The following SLC25A48 variants were observed in gnomAD, a reference collection of about 807,000 sequenced individuals.
SLC25A48 encodes the protein CTC-321K16.1.
A neutral mutation model predicts 32.2 loss-of-function variants in SLC25A48; 29 were observed. The ratio of observed to expected loss-of-function variants is 0.90; its 90% CI spans 0.67 to 1.23. The LOEUF (loss-of-function observed/expected upper bound fraction) is 1.23, where lower values mean the gene tolerates loss of function less well. Ranked by LOEUF, SLC25A48 falls within the 50% of genes most tolerant of loss-of-function variation. SLC25A48 has a pLI of 0.00. For synonymous variants in SLC25A48, 164 were observed against 172.3 expected (o/e 0.95, Z 0.38); for missense variants, 399 against 422.7 (o/e 0.94, Z 0.49).
intron 3 of SLC25A48, among the ~76,000 whole-genome samples, chr5:135,697,730 G>A (rs757456901): frequency 5.9e-5 from 9 of 152,180 alleles, no homozygotes; most frequent in African/African-American, 9.7e-5. Context: ...GACACAGGAC[G>A]TGCCAGCAGC....
At chr5:135,716,826 G>A (rs868552820) in intron 3 of SLC25A48, among the ~76,000 whole-genome samples, 7 of 152,142 alleles carry the variant, frequency 4.6e-5, no homozygotes, top group African/African-American at 1.4e-4. Flanking sequence ...CCCCAGCTCC[G>A]GCCAGCATAG....
chr5:135,823,704 G>A (rs1757949813), intron 4 of SLC25A48, among the ~76,000 whole-genome samples: 2 of 152,200 alleles, frequency 1.3e-5, no homozygotes, highest in Admixed American at 1.3e-4. Context: ...CTGAATGAGG[G>A]GTATGAGGGT....
chr5:135,767,289 G>C (rs7378538), intron 3 of SLC25A48, among the ~76,000 whole-genome samples: 2 of 151,332 alleles, frequency 1.3e-5, no homozygotes, highest in African/African-American at 2.4e-5. Context: ...TCCAGAAGGC[G>C]AGAGGATGAT....
chr5:135,747,729 G>A (rs1179974768), intron 3 of SLC25A48, among the ~76,000 whole-genome samples: 1 of 152,172 alleles, frequency 6.6e-6, no homozygotes, highest in East Asian at 1.9e-4. Flanking sequence ...AAACTGCAAT[G>A]TATCAGTTGC....
At chr5:135,641,365 C>T (rs927487673) in intron 3 of SLC25A48, among the ~76,000 whole-genome samples, 4 of 152,172 alleles carry the variant, frequency 2.6e-5, no homozygotes, top group Non-Finnish European at 4.4e-5. Flanking sequence ...GACTGAGAGT[C>T]CTTTGGTGCA....
intron 3 of SLC25A48, among the ~76,000 whole-genome samples, chr5:135,745,566 GAA>G (rs927728959): frequency 6.6e-6 from 1 of 151,028 alleles, no homozygotes; most frequent in Non-Finnish European, 1.5e-5. Context: ...GTGGTGGGAA[GAA>G]AAAAAAAGAT....
At chr5:135,855,362 A>AG (rs1760226520) in intron 4 of SLC25A48, among the ~76,000 whole-genome samples, 1 of 152,208 alleles carries the variant, frequency 6.6e-6, no homozygotes, top group Non-Finnish European at 1.5e-5. Context: ...CTGATGCAGT[A>AG]ACTGTCATTG....
At chr5:135,664,973 A>G (rs1458540053) in intron 3 of SLC25A48, among the ~76,000 whole-genome samples, 3 of 152,210 alleles carry the variant, frequency 2.0e-5, no homozygotes, top group Non-Finnish European at 4.4e-5. Flanking sequence ...TGGTAGATCT[A>G]CTTTAAATTC....
Position 135,852,745 on chromosome 5 carries a change from G to C in SLC25A48, c.345G>C (p.Val115=), listed in dbSNP as rs1279867056. 3 of 1,614,072 alleles carry C rather than the reference G, an allele frequency of 1.9e-6. No homozygotes were observed. The highest frequency in any genetic ancestry group is 2.5e-6 in the Non-Finnish European group (3 of 1,179,998). The part of the protein sequence containing the change: ...DLLLASMVAG[V]VSVGLGGPVD... The stretch of plus-strand genomic sequence containing the variant: ...TCCTGGCCAGCATGGTGGCCGGCGT[G>C]GTCTCTGTCGGGCTGGGAGGGCCCG... The change falls in exon 4 of 8, where the codon GTG becomes GTC. Residue 115 remains valine (V), a synonymous_variant. Coordinates refer to ENST00000681962, the MANE Select transcript of SLC25A48 (RefSeq NM_001349336.2).
chr5:135,803,847 G>T (rs1347537092), intron 3 of SLC25A48, among the ~76,000 whole-genome samples: 1 of 151,452 alleles, frequency 6.6e-6, no homozygotes, highest in African/African-American at 2.4e-5. Flanking sequence ...TGTATACCTT[G>T]TACACTCACT....
At chr5:135,812,173 G>GTA (rs1757603930) in intron 3 of SLC25A48, among the ~76,000 whole-genome samples, 1 of 151,880 alleles carries the variant, frequency 6.6e-6, no homozygotes, top group Non-Finnish European at 1.5e-5. Context: ...TATTTTTTAA[G>GTA]CTTCTATGGG....
rs1751802132 is a variant in SLC25A48, at chr5:135,601,803, C to A, written c.-849+22206C>A. Among the ~76,000 whole-genome samples the A allele has an allele frequency of 2.6e-5, 4 of 152,214 alleles. No homozygotes were observed. The South Asian group carries it at 8.3e-4, about 32-fold the overall frequency. ...TGTATTCTTGAATTCCTGGGGAGGT[C>A]ACGTGTGCAAGCTTTGATGTCCAAA... On this transcript the variant is annotated intron_variant, in intron 1 of 10. Transcript: ENST00000646290.
chr5:135,650,784 G>A (rs912547504), intron 3 of SLC25A48, among the ~76,000 whole-genome samples: 2 of 152,236 alleles, frequency 1.3e-5, no homozygotes, highest in East Asian at 1.9e-4. Flanking sequence ...TTGTGCGTGT[G>A]TATGTGTGTG....
At chr5:135,776,551 C>T (rs1295571463) in intron 3 of SLC25A48, among the ~76,000 whole-genome samples, 1 of 151,132 alleles carries the variant, frequency 6.6e-6, no homozygotes, top group Non-Finnish European at 1.5e-5. Context: ...TATGTACACC[C>T]CTTCTGTGAT....
intron 3 of SLC25A48, among the ~76,000 whole-genome samples, chr5:135,762,101 A>G (rs1173311622): frequency 6.6e-6 from 1 of 152,238 alleles, no homozygotes; most frequent in Non-Finnish European, 1.5e-5. Context: ...TTCTGTAGAA[A>G]TGTACTGTTC....
intron 3 of SLC25A48, among the ~76,000 whole-genome samples, chr5:135,761,494 A>C (rs1186923760): frequency 6.6e-6 from 1 of 152,082 alleles, no homozygotes; most frequent in Non-Finnish European, 1.5e-5. Context: ...AGAAAACTGA[A>C]CTATATTCTC....
chr5:135,846,114 G>A (rs952158581), intron 2 of SLC25A48, among the ~76,000 whole-genome samples: 7 of 152,170 alleles, frequency 4.6e-5, no homozygotes, highest in African/African-American at 1.7e-4. Flanking sequence ...TCTCGTAAGA[G>A]CACAAACCCT....
intron 3 of SLC25A48, among the ~76,000 whole-genome samples, chr5:135,754,397 T>C (rs1271802735): frequency 6.6e-6 from 1 of 152,086 alleles, no homozygotes; most frequent in African/African-American, 2.4e-5. Flanking sequence ...CCCTCTGGTA[T>C]TTATCATATT....
chr5:135,807,730 A>G (rs1757495932), intron 3 of SLC25A48, among the ~76,000 whole-genome samples: 2 of 149,850 alleles, frequency 1.3e-5, no homozygotes, highest in Non-Finnish European at 3.0e-5. Flanking sequence ...CTGTGTGTAA[A>G]CACTAGAGAT....
Sources: gnomAD v4.1 joint callset for allele counts (sites outside exome capture counted in the v4.1 genomes callset) on GRCh38, gnomAD v4.1.1 for gene constraint, MANE v1.5 for transcripts, NCBI Gene and HGNC (gene_info 2026-07-23, HGNC 2026-07-21) for gene names.